KLHL28: variants seen among roughly 807,000 people sequenced by gnomAD.
KLHL28 encodes kelch like family member 28.
KLHL28 carries 22 observed loss-of-function variants against 48.3 expected under a neutral mutation model. The observed-to-expected ratio is 0.46, with a 90% CI of 0.33 to 0.65. The LOEUF is 0.65. Among genes scored for constraint, KLHL28 ranks in the 30% least tolerant of loss-of-function variants. The pLI, the probability that KLHL28 is intolerant of heterozygous loss-of-function variation, is 0.03. For synonymous variants in KLHL28, 243 were observed against 242.4 expected (o/e 1.00, Z -0.02); for missense variants, 527 against 704.3 (o/e 0.75, Z 2.85).
At chr14:44,940,405 TG>T (rs1884018778) in intron 2 of KLHL28, among the ~76,000 whole-genome samples, 2 of 152,354 alleles carry the variant, frequency 1.3e-5, no homozygotes, top group Admixed American at 1.3e-4. Flanking sequence ...AGTGTTGAGA[TG>T]AGTGATGTGG....
intron 1 of KLHL28, among the ~76,000 whole-genome samples, chr14:44,951,866 G>A (rs1884597306): frequency 6.6e-6 from 1 of 152,016 alleles, no homozygotes; most frequent in South Asian, 2.1e-4. Flanking sequence ...TTTTGTTTTT[G>A]TTTTTCAGAC....
intron 4 of KLHL28, among the ~76,000 whole-genome samples, chr14:44,930,710 A>T (rs1181109393): frequency 1.3e-5 from 2 of 152,200 alleles, no homozygotes; most frequent in African/African-American, 4.8e-5. Flanking sequence ...AAAACCTGAA[A>T]CACTTCTGGT....
At chr14:44,938,110 T>G in intron 2 of KLHL28, among the ~76,000 whole-genome samples, 1 of 152,064 alleles carries the variant, frequency 6.6e-6, no homozygotes, top group East Asian at 1.9e-4. Context: ...GCCCCAAAAG[T>G]CTTAACTCAT....
At chr14:44,950,906 G>A (rs1021235585) in intron 1 of KLHL28, among the ~76,000 whole-genome samples, 4 of 152,110 alleles carry the variant, frequency 2.6e-5, no homozygotes, top group Admixed American at 6.5e-5. Context: ...ACTGTCCAGG[G>A]AACAAATACC....
At chr14:44,959,030 A>G (rs1206724002) in intron 1 of KLHL28, among the ~76,000 whole-genome samples, 1 of 151,948 alleles carries the variant, frequency 6.6e-6, no homozygotes, top group Non-Finnish European at 1.5e-5. Flanking sequence ...GAAATCCAAA[A>G]AGGATAGATT....
At chr14:44,961,367 G>T (rs1005921997) in intron 1 of KLHL28, among the ~76,000 whole-genome samples, 1 of 152,102 alleles carries the variant, frequency 6.6e-6, no homozygotes, top group South Asian at 2.1e-4. Flanking sequence ...TTTTGATAAC[G>T]TCTAAGGGAG....
intron 1 of KLHL28, among the ~76,000 whole-genome samples, chr14:44,946,639 C>A (rs1459414908): frequency 6.6e-6 from 1 of 151,242 alleles, no homozygotes; most frequent in Non-Finnish European, 1.5e-5. Context: ...TCACTGCAAC[C>A]TCTGCCTCCT....
chr14:44,947,523 T>C (rs950639588), intron 1 of KLHL28, among the ~76,000 whole-genome samples: 2 of 152,216 alleles, frequency 1.3e-5, no homozygotes, highest in East Asian at 1.9e-4. Flanking sequence ...ATACAGGTCA[T>C]GTATACAATA....
chr14:44,931,228 G>A (rs1306694319), intron 4 of KLHL28, 105 bp downstream of exon 4: 6 of 544,780 alleles, frequency 1.1e-5, no homozygotes, highest in South Asian at 5.0e-5. Flanking sequence ...TTTTTTTCTG[G>A]ACAAGTAATA....
intron 4 of KLHL28, among the ~76,000 whole-genome samples, chr14:44,930,297 C>CT (rs914660409): frequency 3.5e-4 from 53 of 149,664 alleles, no homozygotes; most frequent in East Asian, 5.9e-4. Flanking sequence ...ACATTTGAAA[C>CT]TTTTTTTTTT....
chr14:44,958,141 A>G (rs1002526026), intron 1 of KLHL28, among the ~76,000 whole-genome samples: 2 of 151,286 alleles, frequency 1.3e-5, no homozygotes, highest in Admixed American at 1.3e-4. Context: ...GCATTAGTCA[A>G]TATCGAATAA....
chr14:44,943,621 C>A (rs1205880435), intron 2 of KLHL28, among the ~76,000 whole-genome samples: 1 of 151,598 alleles, frequency 6.6e-6, no homozygotes, highest in Non-Finnish European at 1.5e-5. Context: ...TGCACCACTG[C>A]ACTCCAGCCT....
At chr14:44,958,110 G>A in intron 1 of KLHL28, among the ~76,000 whole-genome samples, 1 of 144,898 alleles carries the variant, frequency 6.9e-6, no homozygotes. Flanking sequence ...ACAAACAATA[G>A]TATTCTGAAT....
At chr14:44,930,311 A>T (rs1883529187) in intron 4 of KLHL28, among the ~76,000 whole-genome samples, 1 of 152,000 alleles carries the variant, frequency 6.6e-6, no homozygotes, top group Non-Finnish European at 1.5e-5. Flanking sequence ...TTTTTTTGAG[A>T]TGGAGTCTTG....
chr14:44,943,560 G>A lies in KLHL28; in HGVS notation c.899+1470C>T, dbSNP rs189446233. Among the ~76,000 whole-genome samples, 3 of 152,208 alleles carry A rather than the reference G, an allele frequency of 2.0e-5. No homozygotes were observed. In the East Asian group the frequency reaches 5.8e-4, roughly 29 times the overall value. On this transcript the variant is annotated intron_variant, in intron 2 of 4. Coordinates refer to ENST00000396128, the MANE Select transcript of KLHL28 (RefSeq NM_017658.5). ...TAATCTCAGCTACTTGGGAGGCTGAGGCAGGAAAATCACTTGAACCTGGGA... is the reference window on the plus strand; with the variant it reads ...TAATCTCAGCTACTTGGGAGGCTGAAGCAGGAAAATCACTTGAACCTGGGA...
At chr14:44,960,927 A>G (rs1375159127) in intron 1 of KLHL28, 1 of 1,537,534 alleles carries the variant, frequency 6.5e-7, no homozygotes, top group Non-Finnish European at 8.8e-7. Flanking sequence ...TTTGAAGTGC[A>G]TAAATTTGGG....
intron 2 of KLHL28, among the ~76,000 whole-genome samples, chr14:44,944,750 AAAAG>A (rs1315981388): frequency 3.3e-5 from 5 of 152,182 alleles, no homozygotes; most frequent in African/African-American, 7.2e-5. Context: ...CAGAAAGAAA[AAAAG>A]AAAGAAAGAG....
intron 2 of KLHL28, among the ~76,000 whole-genome samples, chr14:44,943,907 G>T (rs186786335): frequency 6.6e-6 from 1 of 152,016 alleles, no homozygotes; most frequent in African/African-American, 2.4e-5. Flanking sequence ...GTAAGGACAG[G>T]ATCTCGTTAT....
chr14:44,939,422 T>C (rs567427230), intron 2 of KLHL28, among the ~76,000 whole-genome samples: 1 of 152,344 alleles, frequency 6.6e-6, no homozygotes, highest in African/African-American at 2.4e-5. Flanking sequence ...TTTCACTTTT[T>C]ACATGGTCAA....
Sources: allele counts gnomAD v4.1 joint callset (sites outside exome capture counted in the v4.1 genomes callset), GRCh38; gene constraint gnomAD v4.1.1; transcripts MANE v1.5; gene names NCBI Gene and HGNC (gene_info 2026-07-23, HGNC 2026-07-21).